Variants in SDK1 observed in about 807,000 individuals in gnomAD.
The protein encoded by SDK1 is sidekick cell adhesion molecule 1, also known as protein sidekick-1.
SDK1 carries 157 observed loss-of-function variants against 245.5 expected under a neutral mutation model. The ratio of observed to expected loss-of-function variants is 0.64; its 90% CI spans 0.56 to 0.73. The LOEUF (loss-of-function observed/expected upper bound fraction) is 0.73, where lower values mean the gene tolerates loss of function less well. Among genes scored for constraint, SDK1 ranks in the 30% least tolerant of loss-of-function variants. SDK1 has a pLI of 0.00. For synonymous variants in SDK1, 1,647 were observed against 1,278.5 expected, an observed-to-expected ratio of 1.29 and a Z score of -6.15; for missense variants, 3,583 against 3,002.3, an observed-to-expected ratio of 1.19 and a Z score of -4.52.
rs947054567 is a variant in SDK1, at chr7:3,655,483, A to G, written c.713+13378A>G. ...TATATATATATATATATATATATAT[A>G]TATATATATATATATATATATGTAT... On this transcript the variant is annotated intron_variant, in intron 4 of 44. Transcript: ENST00000404826. 5.6e-3 allele frequency among the ~76,000 whole-genome samples: 509 copies of G among 90,752 alleles called. 20 individuals are homozygous for G. Among genetic ancestry groups the G allele is most frequent in the African/African-American group, 0.017 (443 of 25,374 alleles). The allele number at this position is 90,752 out of a possible 152,430, so 59.5% of individuals were successfully genotyped here.
chr7:4,112,093 T>C (rs1290994356), intron 23 of SDK1, among the ~76,000 whole-genome samples: 1 of 152,212 alleles, frequency 6.6e-6, no homozygotes, highest in Non-Finnish European at 1.5e-5. Context: ...CCTGGCAACA[T>C]GTGCCCAAGG....
intron 1 of SDK1, among the ~76,000 whole-genome samples, chr7:3,330,817 A>AAC (rs1410176964): frequency 6.0e-5 from 9 of 151,192 alleles, no homozygotes; most frequent in African/African-American, 1.9e-4. Flanking sequence ...TAAAAAAAAA[A>AAC]AAAAAAAAAA....
chr7:3,451,644 G>A (rs923900727), intron 1 of SDK1, among the ~76,000 whole-genome samples: 4 of 152,178 alleles, frequency 2.6e-5, no homozygotes, highest in African/African-American at 9.7e-5. Flanking sequence ...ACATAGGACT[G>A]AGTGATTTAC....
At chr7:3,349,892 G>A (rs1457186285) in intron 1 of SDK1, among the ~76,000 whole-genome samples, 2 of 152,142 alleles carry the variant, frequency 1.3e-5, no homozygotes, top group Admixed American at 1.3e-4. Flanking sequence ...ATGAGCCACC[G>A]TGCCCGGCCT....
intron 1 of SDK1, among the ~76,000 whole-genome samples, chr7:3,393,461 C>T (rs1180645254): frequency 6.6e-6 from 1 of 152,094 alleles, no homozygotes; most frequent in African/African-American, 2.4e-5. Context: ...TTTAATTTTC[C>T]TTTCCTATAG....
chr7:3,598,375 G>A (rs565347104), intron 1 of SDK1, among the ~76,000 whole-genome samples: 2 of 152,218 alleles, frequency 1.3e-5, no homozygotes, highest in South Asian at 4.1e-4. Context: ...CAGTGTGTTT[G>A]TTCTAAATTA....
chr7:4,060,096 T>A (rs940159132), intron 19 of SDK1, among the ~76,000 whole-genome samples: 4 of 152,086 alleles, frequency 2.6e-5, no homozygotes, highest in African/African-American at 7.2e-5. Context: ...TTAGCCAGGA[T>A]GGTCTCGATC....
chr7:4,191,254 G>A (rs922212511), intron 35 of SDK1, among the ~76,000 whole-genome samples: 4 of 151,900 alleles, frequency 2.6e-5, no homozygotes, highest in East Asian at 1.9e-4. Context: ...CTCCCCCGCC[G>A]CGGTCACATG....
chr7:3,762,205 G>C (rs1018458576), intron 4 of SDK1, among the ~76,000 whole-genome samples: 1 of 152,186 alleles, frequency 6.6e-6, no homozygotes, highest in Non-Finnish European at 1.5e-5. Flanking sequence ...GTGGTTTCTA[G>C]TTGAGGAAGC....
At chr7:3,459,101 G>T (rs768674251) in intron 1 of SDK1, among the ~76,000 whole-genome samples, 3 of 152,152 alleles carry the variant, frequency 2.0e-5, no homozygotes, top group Non-Finnish European at 4.4e-5. Flanking sequence ...TGGGACAATT[G>T]ACATCATTAT....
chr7:3,327,495 C>T (rs1779965943), intron 1 of SDK1, among the ~76,000 whole-genome samples: 1 of 152,022 alleles, frequency 6.6e-6, no homozygotes, highest in Non-Finnish European at 1.5e-5. Context: ...TGATCTTTGT[C>T]AGGTTTTACT....
At chr7:3,404,238 G>T (rs1385671268) in intron 1 of SDK1, among the ~76,000 whole-genome samples, 1 of 152,040 alleles carries the variant, frequency 6.6e-6, no homozygotes, top group African/African-American at 2.4e-5. Flanking sequence ...CATAATATCT[G>T]TGAAGCACAA....
intron 1 of SDK1, among the ~76,000 whole-genome samples, chr7:3,553,646 T>G (rs1477089288): frequency 6.6e-6 from 1 of 152,196 alleles, no homozygotes; most frequent in African/African-American, 2.4e-5. Context: ...TCTTTCTTGC[T>G]GAGATACCCT....
chr7:3,338,841 G>A (rs897581953), intron 1 of SDK1, among the ~76,000 whole-genome samples: 3 of 151,994 alleles, frequency 2.0e-5, no homozygotes, highest in African/African-American at 4.8e-5. Flanking sequence ...TGGTATACTC[G>A]AGCACTATGA....
chr7:4,032,416 A>G (rs1787886158), intron 17 of SDK1, among the ~76,000 whole-genome samples: 1 of 152,218 alleles, frequency 6.6e-6, no homozygotes, highest in African/African-American at 2.4e-5. Context: ...GAAACCCTAC[A>G]GGCATTCCTG....
At chr7:3,326,741 A>T (rs1425979915) in intron 1 of SDK1, among the ~76,000 whole-genome samples, 1 of 152,044 alleles carries the variant, frequency 6.6e-6, no homozygotes, top group African/African-American at 2.4e-5. Flanking sequence ...TGCATCTATC[A>T]CTCAGTTTAA....
At chr7:3,661,414 T>A (rs1783351815) in intron 4 of SDK1, among the ~76,000 whole-genome samples, 1 of 152,206 alleles carries the variant, frequency 6.6e-6, no homozygotes, top group Non-Finnish European at 1.5e-5. Context: ...TGCCGTTGGC[T>A]TATCTCTGAT....
chr7:4,181,101 T>C (rs1782579505), intron 35 of SDK1, among the ~76,000 whole-genome samples: 1 of 152,174 alleles, frequency 6.6e-6, no homozygotes, highest in Admixed American at 6.5e-5. Flanking sequence ...GCAGGCCCCC[T>C]TTTCCCTCTT....
At chr7:3,506,854 A>G (rs1456714782) in intron 1 of SDK1, among the ~76,000 whole-genome samples, 1 of 151,516 alleles carries the variant, frequency 6.6e-6, no homozygotes, top group East Asian at 1.9e-4. Flanking sequence ...TTAAATAAAC[A>G]CACACATTTA....
Sources: allele counts gnomAD v4.1 joint callset (sites outside exome capture counted in the v4.1 genomes callset), GRCh38; gene constraint gnomAD v4.1.1; transcripts MANE v1.5; gene names NCBI Gene and HGNC (gene_info 2026-07-23, HGNC 2026-07-21).